Variants in SPECC1 observed in about 807,000 individuals in gnomAD.
The protein encoded by SPECC1 is cytospin-B.
A neutral mutation model predicts 104.1 loss-of-function variants in SPECC1; 62 were observed. The observed-to-expected ratio is 0.60, with a 90% CI of 0.49 to 0.74. The LOEUF is 0.74. Among genes scored for constraint, SPECC1 ranks in the 30% least tolerant of loss-of-function variants. The probability of loss-of-function intolerance (pLI) is 0.00; values close to 1 mark genes in which losing one functional copy is unlikely to be tolerated. For missense variants in SPECC1, 1,306 were observed against 1,310.5 expected (o/e 1.00, Z 0.05); for synonymous variants, 513 against 501.6 (o/e 1.02, Z -0.30).
At chr17:20,134,518 C>G (rs965335581) in intron 3 of SPECC1, among the ~76,000 whole-genome samples, 2 of 152,020 alleles carry the variant, frequency 1.3e-5, no homozygotes, top group African/African-American at 2.4e-5. Context: ...TATTATAAAG[C>G]CAATTAAATG....
chr17:20,084,375 G>C (rs994114022), intron 1 of SPECC1, among the ~76,000 whole-genome samples: 15 of 152,198 alleles, frequency 9.9e-5, no homozygotes, highest in African/African-American at 3.4e-4. Context: ...GTTGCAGTGA[G>C]CCGAGACTGT....
At chr17:20,212,508 A>G (rs774214516) in intron 4 of SPECC1, among the ~76,000 whole-genome samples, 3 of 151,490 alleles carry the variant, frequency 2.0e-5, no homozygotes, top group Non-Finnish European at 2.9e-5. Flanking sequence ...GTGCAGGGAA[A>G]CTCCCCCTTA....
chr17:20,055,789 C>G lies in SPECC1; in HGVS notation c.-21-40842C>G, dbSNP rs1275792503. Among the ~76,000 whole-genome samples, 3 of 152,336 alleles carry G rather than the reference C, an allele frequency of 2.0e-5. No individual in the cohort carries two copies. In the East Asian group the frequency reaches 5.8e-4, roughly 29 times the overall value. ...TGCTGGTTGTTGGTGCCATCCATTT[C>G]TCTGTGTTCCCTTTTCTCTTTATGT... is the stretch of plus-strand genomic sequence containing the variant. On this transcript the variant is annotated intron_variant, in intron 1 of 14. Coordinates refer to ENST00000395527, the MANE Select transcript of SPECC1 (RefSeq NM_001243439.2).
rs1459041518 is a variant in SPECC1 at position 20,316,058 on chromosome 17, C to T, written c.*1993C>T. The T allele has an allele frequency of 8.6e-6, 2 of 232,358 alleles. No homozygotes were observed. The highest frequency in any genetic ancestry group is 6.1e-5 in the East Asian group (1 of 16,512). The allele number at this position is 232,358 out of a possible 1,614,324, so 14.4% of individuals were successfully genotyped here. On this transcript the variant is annotated 3_prime_UTR_variant, in exon 15 of 15. Coordinates refer to ENST00000395527, the MANE Select transcript of SPECC1 (RefSeq NM_001243439.2). ...CGGGAGCTCCTGAGCAGCTGTTGGG[C>T]GATGGTCATTACATCACCCATGCCT...
intron 12 of SPECC1, among the ~76,000 whole-genome samples, chr17:20,276,680 G>T (rs148876734): frequency 3.9e-5 from 6 of 152,324 alleles, no homozygotes; most frequent in African/African-American, 1.4e-4. Flanking sequence ...GAAAAACCCA[G>T]GCCTGAGACT....
chr17:20,017,671 A>G (rs981822091), intron 1 of SPECC1: 5 of 152,208 alleles, frequency 3.3e-5, no homozygotes, highest in African/African-American at 1.2e-4. Context: ...ATACAAGCAA[A>G]TATGAATCAG....
At chr17:20,150,975 G>A (rs2031955035) in intron 3 of SPECC1, among the ~76,000 whole-genome samples, 1 of 152,098 alleles carries the variant, frequency 6.6e-6, no homozygotes, top group African/African-American at 2.4e-5. Context: ...GTTTATGCCT[G>A]TATATAAGGG....
At chr17:20,078,392 C>T (rs967452736) in intron 1 of SPECC1, among the ~76,000 whole-genome samples, 8 of 151,760 alleles carry the variant, frequency 5.3e-5, no homozygotes, top group Non-Finnish European at 1.5e-5. Context: ...AAAGCAATTC[C>T]TAGAAAAAGG....
At chr17:20,079,756 G>A (rs1222479397) in intron 1 of SPECC1, among the ~76,000 whole-genome samples, 1 of 152,126 alleles carries the variant, frequency 6.6e-6, no homozygotes, top group Admixed American at 6.5e-5. Flanking sequence ...CGCATGGGTT[G>A]GGGAGGAGGG....
intron 4 of SPECC1, among the ~76,000 whole-genome samples, chr17:20,213,633 A>G (rs1597993864): frequency 6.6e-6 from 1 of 152,116 alleles, no homozygotes; most frequent in East Asian, 1.9e-4. Flanking sequence ...ATTTTGTTTG[A>G]CCTCTACCTG....
At chr17:20,106,415 C>G (rs1488793389) in intron 2 of SPECC1, among the ~76,000 whole-genome samples, 1 of 152,126 alleles carries the variant, frequency 6.6e-6, no homozygotes, top group Non-Finnish European at 1.5e-5. Flanking sequence ...TTACAGAGTT[C>G]TCTAAGAAGG....
chr17:20,255,537 C>T (rs1021012024), intron 10 of SPECC1, among the ~76,000 whole-genome samples: 2 of 152,156 alleles, frequency 1.3e-5, no homozygotes, highest in Admixed American at 6.5e-5. Context: ...GTTCCACTAG[C>T]CTTAAAGTTT....
intron 4 of SPECC1, among the ~76,000 whole-genome samples, chr17:20,225,286 C>T (rs1056318990): frequency 1.3e-4 from 20 of 152,162 alleles, no homozygotes; most frequent in Non-Finnish European, 2.2e-4. Context: ...CTCACTGGGT[C>T]ATGTGCACTC....
rs370138453 is a variant in SPECC1 at position 20,087,431 on chromosome 17, A to AT, written c.-21-9192dup. ...CTGAAAGCAGTCTGGGGACTTTATT[A>AT]TTTTTTTTCAACCATTTAGAGATAT... On this transcript the variant is annotated intron_variant, in intron 1 of 14. Coordinates refer to ENST00000395527, the MANE Select transcript of SPECC1 (RefSeq NM_001243439.2). Among the ~76,000 whole-genome samples, 4 of 152,020 alleles carry AT rather than the reference A, an allele frequency of 2.6e-5. No individual in the cohort carries two copies. In the South Asian group the frequency reaches 8.3e-4, roughly 32 times the overall value.
At chr17:20,088,513 G>A (rs1440691337) in intron 1 of SPECC1, among the ~76,000 whole-genome samples, 1 of 152,178 alleles carries the variant, frequency 6.6e-6, no homozygotes, top group East Asian at 1.9e-4. Context: ...GAGGTTTAGA[G>A]CTGGGAGTAT....
At chr17:20,252,428 C>T (rs547628001) in intron 9 of SPECC1, among the ~76,000 whole-genome samples, 2 of 152,220 alleles carry the variant, frequency 1.3e-5, no homozygotes, top group East Asian at 3.9e-4. Context: ...CCTCCTCTAG[C>T]ACTCCCCAGT....
chr17:20,081,502 A>G (rs2046972176), intron 1 of SPECC1, among the ~76,000 whole-genome samples: 2 of 152,062 alleles, frequency 1.3e-5, no homozygotes, highest in Non-Finnish European at 2.9e-5. Flanking sequence ...CCTGCGTTTT[A>G]TTCCAAGGGA....
intron 3 of SPECC1, among the ~76,000 whole-genome samples, chr17:20,120,528 A>G (rs2048975579): frequency 6.6e-6 from 1 of 152,244 alleles, no homozygotes; most frequent in East Asian, 1.9e-4. Flanking sequence ...ACTTCTGGCA[A>G]TATATAGTTG....
intron 3 of SPECC1, among the ~76,000 whole-genome samples, chr17:20,169,061 C>A (rs1022889725): frequency 2.6e-5 from 4 of 152,008 alleles, no homozygotes; most frequent in Non-Finnish European, 5.9e-5. Flanking sequence ...TTTGTAGAGA[C>A]GGGGTTTCAC....
Sources: gnomAD v4.1 joint callset for allele counts (sites outside exome capture counted in the v4.1 genomes callset) on GRCh38, gnomAD v4.1.1 for gene constraint, MANE v1.5 for transcripts, NCBI Gene and HGNC (gene_info 2026-07-23, HGNC 2026-07-21) for gene names.